The following VIPR1 variants were observed in gnomAD, a reference collection of about 807,000 sequenced individuals.
The protein encoded by VIPR1 is vasoactive intestinal polypeptide receptor 1.
Under a neutral mutation model 58.8 loss-of-function variants are expected in VIPR1, and 59 were observed. The observed-to-expected ratio is 1.00, with a 90% CI of 0.81 to 1.25. The LOEUF is 1.25. Among genes scored for constraint, VIPR1 ranks in the 50% most tolerant of loss-of-function variants. The pLI is 0.00. For synonymous variants in VIPR1, 251 were observed against 242.1 expected (o/e 1.04, Z -0.34); for missense variants, 626 against 602.7 (o/e 1.04, Z -0.40).
rs375256401 is a variant in VIPR1, at chr3:42,528,102, G to A, written c.615G>A (p.Ser205=). The A allele has an allele frequency of 3.6e-5, 58 of 1,613,690 alleles. No individual in the cohort carries two copies. Among genetic ancestry groups the A allele is most frequent in the East Asian group, 6.7e-5 (3 of 44,890 alleles). The change falls in exon 6 of 13, where the codon TCG becomes TCA. Residue 205 remains serine, a synonymous_variant. Transcript: ENST00000325123. ...KDLALFDSGE[S]DQCSEGSVGC... is the part of the protein sequence containing the mutation. ...TGGCCCTCTTCGACAGCGGGGAGTC[G>A]GACCAGTGCTCCGAGGGCTCGGTGA...
In VIPR1 at chr3:42,531,974, G is replaced by A. The variant is rs1373250495; in HGVS notation, c.918+105G>A. On this transcript the variant is annotated intron_variant, in intron 9 of 12. Transcript: ENST00000325123. ...TTAGTATCTAGGTCAGAACTGAAAC[G>A]TAGCTTCCTAATGCCCAATGCAGGA... 8.2e-6 allele frequency: 11 copies of A among 1,341,324 alleles called. No individual in the cohort carries two copies. The East Asian group carries it at 9.6e-5, about 12-fold the overall frequency. The allele number at this position is 1,341,324 out of a possible 1,614,324, so 83.1% of individuals were successfully genotyped here.
chr3:42,505,488 C>T (rs1049849197), intron 1 of VIPR1, among the ~76,000 whole-genome samples: 6 of 152,242 alleles, frequency 3.9e-5, no homozygotes, highest in South Asian at 2.1e-4. Context: ...ACCACAGCTG[C>T]CCAGGCCCTC....
In VIPR1 at chr3:42,535,390, C is replaced by G. The variant is rs1209510569; in HGVS notation, c.1182+6C>G. 9 of 1,613,912 alleles carry G rather than the reference C, an allele frequency of 5.6e-6. No individual in the cohort carries two copies. The highest frequency in any genetic ancestry group is 7.6e-6 in the Non-Finnish European group (9 of 1,179,862). ...ACTGCTTCCTCAATGGTGAGGTAAG[C>G]CCCTCCCAGTCCTTGGGGCTTAGGC... On this transcript the variant is annotated splice_donor_region_variant and intron_variant, in intron 12 of 12. Coordinates refer to ENST00000325123, the MANE Select transcript of VIPR1 (RefSeq NM_004624.4).
intron 6 of VIPR1, 36 bp from the exon 7 acceptor site, chr3:42,530,743 C>T (rs760349682): frequency 6.2e-7 from 1 of 1,608,516 alleles, no homozygotes; most frequent in South Asian, 1.1e-5. Flanking sequence ...CCCTTGACAG[C>T]CCCAGTGAAC....
intron 1 of VIPR1, among the ~76,000 whole-genome samples, chr3:42,497,266 C>A (rs1699781149): frequency 6.6e-6 from 1 of 152,120 alleles, no homozygotes; most frequent in Non-Finnish European, 1.5e-5. Flanking sequence ...GTTATGGGCA[C>A]CCTCTGAAAC....
At chr3:42,526,093 G>T in intron 4 of VIPR1, 100 bp downstream of exon 4, 1 of 1,169,228 alleles carries the variant, frequency 8.6e-7, no homozygotes. Flanking sequence ...GTCTGTGTGG[G>T]AACAGGACTC....
chr3:42,514,234 TC>T (rs1310855498), intron 2 of VIPR1, among the ~76,000 whole-genome samples: 9 of 151,872 alleles, frequency 5.9e-5, no homozygotes, highest in Admixed American at 2.0e-4. Flanking sequence ...GCAGGCAGGT[TC>T]CAGGACCCCC....
At chr3:42,503,088 C>G (rs952555369) in intron 1 of VIPR1, among the ~76,000 whole-genome samples, 4 of 152,120 alleles carry the variant, frequency 2.6e-5, no homozygotes, top group African/African-American at 9.7e-5. Context: ...CCAGACTTGC[C>G]TTCCTTGTCG....
intron 3 of VIPR1, among the ~76,000 whole-genome samples, chr3:42,522,867 G>C (rs146791875): frequency 2.0e-5 from 3 of 152,184 alleles, no homozygotes; most frequent in South Asian, 2.1e-4. Flanking sequence ...AGGCACAAGC[G>C]GGGGCCATGA....
Position 42,513,538 on chromosome 3 carries a change from G to A in VIPR1, c.79-211G>A, listed in dbSNP as rs901022855. On this transcript the variant is annotated intron_variant, in intron 1 of 12. Coordinates refer to ENST00000325123, the MANE Select transcript of VIPR1 (RefSeq NM_004624.4). Reference sequence around the variant, plus strand: ...GCACTAATGGGGGAGCCATCAAGAAGCTGTGGCAGGGTCCTCGGGGCCGAC... The same window carrying A: ...GCACTAATGGGGGAGCCATCAAGAAACTGTGGCAGGGTCCTCGGGGCCGAC... 4 of 531,008 alleles carry A rather than the reference G, an allele frequency of 7.5e-6. No homozygotes were observed. The East Asian group carries it at 9.3e-5, about 12-fold the overall frequency. The allele number at this position is 531,008 out of a possible 1,614,324, so 32.9% of individuals were successfully genotyped here.
intron 3 of VIPR1, among the ~76,000 whole-genome samples, chr3:42,524,498 C>T (rs554644485): frequency 2.3e-4 from 35 of 152,340 alleles, no homozygotes; most frequent in African/African-American, 7.5e-4. Context: ...ACCCAGCCCA[C>T]GGCTGCTCTT....
chr3:42,535,137 C>T (rs1284969248), intron 11 of VIPR1, 33 bp downstream of exon 11: 2 of 1,613,766 alleles, frequency 1.2e-6, no homozygotes, highest in Non-Finnish European at 1.7e-6. Flanking sequence ...TGCATTCTTC[C>T]CTGGCTTTTA....
intron 1 of VIPR1, among the ~76,000 whole-genome samples, chr3:42,497,510 G>T (rs1699786620): frequency 6.6e-6 from 1 of 152,180 alleles, no homozygotes; most frequent in Non-Finnish European, 1.5e-5. Flanking sequence ...AGAAGCTGTG[G>T]CTGCTTTTGA....
upstream of VIPR1, among the ~76,000 whole-genome samples, chr3:42,499,331 A>G (rs1699823559): frequency 1.3e-5 from 2 of 152,180 alleles, no homozygotes; most frequent in African/African-American, 4.8e-5. Context: ...AGAGGAGGCG[A>G]GGGCGGCACA....
upstream of VIPR1, among the ~76,000 whole-genome samples, chr3:42,501,732 G>T (rs1377648063): frequency 6.6e-6 from 1 of 152,240 alleles, no homozygotes; most frequent in African/African-American, 2.4e-5. The surrounding 1 kb of genome is among the most constrained non-coding windows in gnomAD (Gnocchi z 4.8). Context: ...CTGGACCCCA[G>T]TATCCCCAGC....
chr3:42,489,841 T>C (rs1699635113), intron 1 of VIPR1, among the ~76,000 whole-genome samples: 1 of 152,168 alleles, frequency 6.6e-6, no homozygotes, highest in African/African-American at 2.4e-5. Context: ...TGGTGGCCAG[T>C]TACCCTCAAA....
chr3:42,527,063 C>T (rs986737817), intron 4 of VIPR1, among the ~76,000 whole-genome samples: 7 of 152,076 alleles, frequency 4.6e-5, no homozygotes, highest in Non-Finnish European at 1.0e-4. Flanking sequence ...GAAGGGAAGC[C>T]GGGCACATGG....
At chr3:42,531,993 T>A in intron 9 of VIPR1, 124 bp downstream of exon 9, 1 of 1,140,494 alleles carries the variant, frequency 8.8e-7, no homozygotes, top group Non-Finnish European at 1.3e-6. Context: ...TAATGCCCAA[T>A]GCAGGATCAT....
intron 2 of VIPR1, among the ~76,000 whole-genome samples, chr3:42,517,353 G>A (rs1700684271): frequency 6.6e-6 from 1 of 152,202 alleles, no homozygotes; most frequent in African/African-American, 2.4e-5. Context: ...CGTTGACTTT[G>A]GCTCAGGGGT....
Sources: allele counts gnomAD v4.1 joint callset (sites outside exome capture counted in the v4.1 genomes callset), GRCh38; gene constraint gnomAD v4.1.1; non-coding constraint Gnocchi (gnomAD v3.1); transcripts MANE v1.5; gene names NCBI Gene and HGNC (gene_info 2026-07-23, HGNC 2026-07-21).